Variants in MED13 observed in about 807,000 individuals in gnomAD.
MED13 encodes mediator of RNA polymerase II transcription subunit 13.
MED13 carries 23 observed loss-of-function variants against 225.2 expected under a neutral mutation model. That is an observed-to-expected ratio of 0.10 (90% CI 0.07 to 0.14). The LOEUF is 0.14. MED13 is among the 10% of genes least tolerant of loss of function. The pLI is 1.00. For synonymous variants in MED13, 942 were observed against 889.2 expected (o/e 1.06, Z -1.06); for missense variants, 2,197 against 2,594.5 (o/e 0.85, Z 3.33).
chr17:61,984,993 A>C lies in MED13; in HGVS notation c.2476+7T>G, dbSNP rs1249502323. 1.2e-6 allele frequency: 2 copies of C among 1,613,394 alleles called. No homozygotes were observed. Among genetic ancestry groups the C allele is most frequent in the African/African-American group, 2.7e-5 (2 of 74,924 alleles). On this transcript the variant is annotated splice_region_variant and intron_variant, in intron 13 of 29. Coordinates refer to ENST00000397786, the MANE Select transcript of MED13 (RefSeq NM_005121.3). ...ATTTATCTCGAGCACAGATGAGGGA[A>C]GCTTACTTATGCAAGATAACGGGTC...
chr17:61,998,195 T>C (rs1171643753), intron 9 of MED13, among the ~76,000 whole-genome samples: 1 of 152,230 alleles, frequency 6.6e-6, no homozygotes, highest in African/African-American at 2.4e-5. Flanking sequence ...CATACACTTT[T>C]AGAATACGAA....
At chr17:62,033,351 A>T (rs1196867603) in intron 5 of MED13, among the ~76,000 whole-genome samples, 1 of 152,204 alleles carries the variant, frequency 6.6e-6, no homozygotes, top group Non-Finnish European at 1.5e-5. Flanking sequence ...ATATTAATTC[A>T]TTCACAATTA....
chr17:62,056,861 C>A (rs956758273), intron 2 of MED13, among the ~76,000 whole-genome samples: 1 of 152,216 alleles, frequency 6.6e-6, no homozygotes, highest in Non-Finnish European at 1.5e-5. Context: ...ATTAGCATTA[C>A]AGTTCTTAAT....
chr17:62,032,807 T>A (rs866031804), intron 5 of MED13, among the ~76,000 whole-genome samples: 1 of 152,212 alleles, frequency 6.6e-6, no homozygotes. Context: ...TTTGTTAACC[T>A]GGGTCCCTGA....
At chr17:62,041,430 T>A (rs1302258530) in intron 3 of MED13, among the ~76,000 whole-genome samples, 2 of 152,192 alleles carry the variant, frequency 1.3e-5, no homozygotes, top group Non-Finnish European at 2.9e-5. Flanking sequence ...TGAGTACACA[T>A]TCAGTTTGGG....
intron 2 of MED13, among the ~76,000 whole-genome samples, chr17:62,054,337 G>GA (rs899049464): frequency 1.3e-5 from 2 of 151,586 alleles, no homozygotes; most frequent in African/African-American, 4.8e-5. Context: ...TAAGCTTAGG[G>GA]AAAAAAAAGT....
chr17:62,042,355 A>G (rs2080859614), intron 3 of MED13, among the ~76,000 whole-genome samples: 1 of 152,136 alleles, frequency 6.6e-6, no homozygotes, highest in Non-Finnish European at 1.5e-5. Context: ...TGAGGTCAAG[A>G]AATCAAGACC....
chr17:62,003,183 A>G (rs893231194), intron 9 of MED13, among the ~76,000 whole-genome samples: 4 of 125,962 alleles, frequency 3.2e-5, no homozygotes, highest in African/African-American at 1.5e-4. Context: ...CCTACCAACT[A>G]TAGAACAATT....
Position 61,982,322 on chromosome 17 carries a change from G to A in MED13, c.3681C>T (p.Asp1227=), listed in dbSNP as rs374378475. Residue 1227 remains aspartate (D), a synonymous_variant, in exon 16 of 30, where the codon GAC becomes GAT. Transcript: ENST00000397786. ...ISNWVRVEER[D]CCNDCYLALE... ...ATGCAAGGTAGCAGTCATTGCAACAGTCACGCTCTTCAACACGTACCCAAT... is the reference window on the plus strand; with the variant it reads ...ATGCAAGGTAGCAGTCATTGCAACAATCACGCTCTTCAACACGTACCCAAT... The A allele has an allele frequency of 6.8e-6, 11 of 1,614,034 alleles. No homozygotes were observed. The African/African-American group carries it at 1.5e-4, about 22-fold the overall frequency.
chr17:62,059,252 A>G (rs1011328151), intron 2 of MED13, among the ~76,000 whole-genome samples: 4 of 152,250 alleles, frequency 2.6e-5, no homozygotes, highest in Non-Finnish European at 5.9e-5. Context: ...AATACACTGC[A>G]TGACACAAAG....
Position 61,973,182 on chromosome 17 carries a change from C to T in MED13, c.3806-294G>A, listed in dbSNP as rs183684776. The stretch of plus-strand genomic sequence containing the variant: ...ATAAATTAATCAAATAAATTTCTTT[C>T]TTTTTGCATTTATGTTGGCTGTTTT... On this transcript the variant is annotated intron_variant, in intron 16 of 29. Coordinates refer to ENST00000397786, the MANE Select transcript of MED13 (RefSeq NM_005121.3). 5.9e-5 allele frequency among the ~76,000 whole-genome samples: 9 copies of T among 152,222 alleles called. No homozygotes were observed. The East Asian group carries it at 1.7e-3, about 29-fold the overall frequency.
intron 16 of MED13, among the ~76,000 whole-genome samples, chr17:61,978,745 C>T (rs1407837004): frequency 6.6e-6 from 1 of 152,118 alleles, no homozygotes; most frequent in Admixed American, 6.6e-5. Flanking sequence ...CTTAACTACT[C>T]TATATGGCTT....
intron 17 of MED13, among the ~76,000 whole-genome samples, chr17:61,970,099 C>G (rs1469889763): frequency 6.6e-6 from 1 of 152,178 alleles, no homozygotes; most frequent in Non-Finnish European, 1.5e-5. Flanking sequence ...GTTCAAAGCT[C>G]TTTGCATGTA....
intron 2 of MED13, among the ~76,000 whole-genome samples, chr17:62,060,555 A>G (rs890428989): frequency 6.7e-6 from 1 of 150,078 alleles, no homozygotes; most frequent in Non-Finnish European, 1.5e-5. Flanking sequence ...CCCAGGAGGC[A>G]GAGCTTGCAG....
intron 15 of MED13, among the ~76,000 whole-genome samples, chr17:61,983,377 C>A (rs933374135): frequency 6.6e-6 from 1 of 152,076 alleles, no homozygotes; most frequent in Non-Finnish European, 1.5e-5. Flanking sequence ...ACCTAGACAT[C>A]CATATTTACT....
At position 61,965,211 on chromosome 17, in the gene MED13, T is replaced by A. The variant is rs764830514; in HGVS notation, c.4639A>T (p.Asn1547Tyr). Reference sequence around the variant, plus strand: ...AGTTTATTTGATGATACTCCACTATTCAAGTTGGAGGATGATGAAGATGAA... The same window carrying A: ...AGTTTATTTGATGATACTCCACTATACAAGTTGGAGGATGATGAAGATGAA... The part of the protein sequence containing the change: ...STSSSSSSNL[N>Y]SGVSSNKLPS... Residue 1547 changes from asparagine (N) to tyrosine (Y), a missense_variant, in exon 20 of 30, where the codon AAT becomes TAT. This residue lies in a region of MED13 where 457 missense variants were observed against 442.2 expected (regional missense o/e 1.03). Transcript: ENST00000397786. The A allele has an allele frequency of 5.6e-6, 9 of 1,614,026 alleles. No homozygotes were observed. Among genetic ancestry groups the A allele is most frequent in the Non-Finnish European group, 7.6e-6 (9 of 1,179,974 alleles).
Position 61,942,984 on chromosome 17 carries a change from A to C in MED13, c.*3484T>G, listed in dbSNP as rs1479519989. 6.6e-6 allele frequency: 1 copy of C among 152,524 alleles called. No homozygotes were observed. The highest frequency in any genetic ancestry group is 2.4e-5 in the African/African-American group (1 of 41,438). 9.4% of individuals were successfully genotyped at this position (152,524 alleles called of 1,614,324 possible). A position where few individuals can be genotyped will look rare whatever the true frequency, so the allele number is the denominator to read the frequency against. ...AGATGTTTTAAAACTTCATGAATAC[A>C]TCAACCTGAGGAGTATTTTAGGTCC... On this transcript the variant is annotated 3_prime_UTR_variant, in exon 30 of 30. Coordinates refer to ENST00000397786, the MANE Select transcript of MED13 (RefSeq NM_005121.3).
chr17:62,063,623 A>G (rs1001034806), intron 1 of MED13, among the ~76,000 whole-genome samples: 1 of 152,224 alleles, frequency 6.6e-6, no homozygotes, highest in Non-Finnish European at 1.5e-5. Flanking sequence ...CTCTGTCCTA[A>G]CTGGTCACAT....
intron 9 of MED13, among the ~76,000 whole-genome samples, chr17:62,000,725 G>C (rs953807101): frequency 6.6e-6 from 1 of 152,102 alleles, no homozygotes; most frequent in African/African-American, 2.4e-5. Flanking sequence ...TATTTAGCAA[G>C]ACCTTACTTT....
Sources: gnomAD v4.1 joint callset for allele counts (sites outside exome capture counted in the v4.1 genomes callset) on GRCh38, gnomAD v4.1.1 for gene constraint, gnomAD v4.1.1 regional missense constraint, MANE v1.5 for transcripts, NCBI Gene and HGNC (gene_info 2026-07-23, HGNC 2026-07-21) for gene names.